NRXN1: variants seen among roughly 807,000 people sequenced by gnomAD.
The protein encoded by NRXN1 is neurexin-1.
Under a neutral mutation model 150.9 loss-of-function variants are expected in NRXN1, and 39 were observed. The ratio of observed to expected loss-of-function variants is 0.26; its 90% CI spans 0.20 to 0.34. NRXN1 has a LOEUF of 0.34. Ranked by LOEUF, NRXN1 falls within the 10% of genes least tolerant of loss-of-function variation. The pLI is 1.00. For missense variants in NRXN1, 1,815 were observed against 1,949.9 expected (o/e 0.93, Z 1.30); for synonymous variants, 924 against 757.0 (o/e 1.22, Z -3.62).
At chr2:50,480,201 A>G (rs2090356375) in intron 15 of NRXN1, among the ~76,000 whole-genome samples, 1 of 152,250 alleles carries the variant, frequency 6.6e-6, no homozygotes, top group Non-Finnish European at 1.5e-5. Flanking sequence ...GTTTTAACTG[A>G]CACATACTGA....
chr2:49,936,817 TACAC>T (rs58323578), intron 22 of NRXN1, among the ~76,000 whole-genome samples: 53 of 148,588 alleles, frequency 3.6e-4, no homozygotes, highest in African/African-American at 8.1e-4. Context: ...AAAACATATG[TACAC>T]ACACACACAC....
chr2:50,471,863 A>G (rs1353864865), intron 16 of NRXN1, among the ~76,000 whole-genome samples: 2 of 151,812 alleles, frequency 1.3e-5, no homozygotes, highest in African/African-American at 2.4e-5. Context: ...AAACTTGCAC[A>G]TGTACCCCCT....
In NRXN1 at chr2:50,047,041, A is replaced by G. The variant is rs181752913; in HGVS notation, c.4128+6230T>C. 1.2e-4 allele frequency among the ~76,000 whole-genome samples: 19 copies of G among 152,266 alleles called. No homozygotes were observed. In the East Asian group the frequency reaches 3.7e-3, roughly 29 times the overall value. ...TAGAATGTATATGGATGCATTAAGGAAGGGAACAATATGACTGTATTTGCA... is the reference window on the plus strand; with the variant it reads ...TAGAATGTATATGGATGCATTAAGGGAGGGAACAATATGACTGTATTTGCA... On this transcript the variant is annotated intron_variant, in intron 21 of 22. Coordinates refer to ENST00000401669, the MANE Select transcript of NRXN1 (RefSeq NM_001330078.2).
intron 9 of NRXN1, among the ~76,000 whole-genome samples, chr2:50,540,745 C>T (rs569626040): frequency 9.2e-5 from 14 of 152,194 alleles, no homozygotes; most frequent in African/African-American, 3.4e-4. Context: ...TCACTACAAC[C>T]TCTGCCACCT....
At position 49,921,486 on chromosome 2, in the gene NRXN1, C is replaced by G. The variant is rs1190018960; in HGVS notation, c.*458G>C. 1 of 156,778 alleles carries G rather than the reference C, an allele frequency of 6.4e-6. No homozygotes were observed. The highest frequency in any genetic ancestry group is 1.4e-5 in the Non-Finnish European group (1 of 70,822). The allele number at this position is 156,778 out of a possible 1,614,324, so 9.7% of individuals were successfully genotyped here. A position where few individuals can be genotyped will look rare whatever the true frequency, so the allele number is the denominator to read the frequency against. ...TTAAAGGTTTGCAGGTTGAGTCACT[C>G]AAAAGGACAGTCTTCTCTGGCAATT... On this transcript the variant is annotated 3_prime_UTR_variant, in exon 23 of 23. Transcript: ENST00000401669.
At position 50,346,735 on chromosome 2, in the gene NRXN1, G is replaced by T; in HGVS notation, c.3365-109765C>A. The T allele has an allele frequency of 1.2e-6, 2 of 1,613,954 alleles. No homozygotes were observed. The highest frequency in any genetic ancestry group is 1.7e-6 in the Non-Finnish European group (2 of 1,179,970). On this transcript the variant is annotated intron_variant, in intron 17 of 22. Coordinates refer to ENST00000401669, the MANE Select transcript of NRXN1 (RefSeq NM_001330078.2). The surrounding 1 kb of genome is among the most constrained non-coding windows in gnomAD (Gnocchi z 5.0). Reference sequence around the variant, plus strand: ...TGCCGGTGACCTGTAGATTGCAATAGGCACTGAATGATGCTTGCTGCTGCC... The same window carrying T: ...TGCCGGTGACCTGTAGATTGCAATATGCACTGAATGATGCTTGCTGCTGCC...
intron 18 of NRXN1, among the ~76,000 whole-genome samples, chr2:50,111,359 C>G (rs1357623094): frequency 1.3e-5 from 2 of 152,078 alleles, no homozygotes; most frequent in South Asian, 4.1e-4. Context: ...GAAAGTTACT[C>G]TCATGCGGCA....
At chr2:50,947,145 T>C (rs531441022) in intron 2 of NRXN1, among the ~76,000 whole-genome samples, 1 of 152,160 alleles carries the variant, frequency 6.6e-6, no homozygotes. Context: ...TCCAGTCATG[T>C]ATTTTGATAT....
chr2:50,855,423 G>A (rs1228041061), intron 5 of NRXN1, among the ~76,000 whole-genome samples: 1 of 151,850 alleles, frequency 6.6e-6, no homozygotes, highest in African/African-American at 2.4e-5. Flanking sequence ...CAGCTAACAA[G>A]GTCAATTACA....
At position 51,027,522 on chromosome 2, in the gene NRXN1, C is replaced by T. The variant is rs780954241; in HGVS notation, c.752G>A (p.Arg251His). 4 of 1,548,278 alleles carry T rather than the reference C, an allele frequency of 2.6e-6. No individual in the cohort carries two copies. Among genetic ancestry groups the T allele is most frequent in the East Asian group, 2.3e-5 (1 of 43,798 alleles). ...AVCDCSRTGF[R>H]GKDCSQEDNN... ...CTTACCTTGGCTGCAGTCCTTGCCGCGGAAGCCGGTTCGCGAGCAGTCGCA... is the reference window on the plus strand; with the variant it reads ...CTTACCTTGGCTGCAGTCCTTGCCGTGGAAGCCGGTTCGCGAGCAGTCGCA... The change falls in exon 2 of 23, where the codon CGC becomes CAC. Residue 251 changes from arginine (R) to histidine (H), a missense_variant. Arg to His is a conservative substitution (Grantham distance 29). This residue lies in a region of NRXN1 where 554 missense variants were observed against 478.8 expected (regional missense o/e 1.16). Transcript: ENST00000401669.
At chr2:50,381,330 A>G (rs1028213368) in intron 17 of NRXN1, among the ~76,000 whole-genome samples, 3 of 152,064 alleles carry the variant, frequency 2.0e-5, no homozygotes, top group African/African-American at 7.2e-5. Context: ...TTCATCTTAT[A>G]TTGTGAACAA....
At chr2:50,196,021 A>C (rs900356240) in intron 18 of NRXN1, among the ~76,000 whole-genome samples, 2 of 152,010 alleles carry the variant, frequency 1.3e-5, no homozygotes, top group African/African-American at 4.8e-5. Flanking sequence ...CAGGTTTGTT[A>C]CATATGTAAA....
At chr2:50,130,071 CA>C (rs2152746125) in intron 18 of NRXN1, among the ~76,000 whole-genome samples, 1 of 152,232 alleles carries the variant, frequency 6.6e-6, no homozygotes, top group South Asian at 2.1e-4. Context: ...TCCCGTTTTA[CA>C]GATAAGAAAA....
chr2:50,012,723 A>G (rs1685915510), intron 21 of NRXN1, among the ~76,000 whole-genome samples: 2 of 152,292 alleles, frequency 1.3e-5, no homozygotes, highest in South Asian at 4.1e-4. Context: ...GTTCTGTACC[A>G]TGGCTATGTA....
chr2:50,582,374 G>C (rs1672398929), intron 8 of NRXN1, among the ~76,000 whole-genome samples: 1 of 150,630 alleles, frequency 6.6e-6, no homozygotes, highest in Non-Finnish European at 1.5e-5. Flanking sequence ...CCAGCTACTT[G>C]GCAGGCTGAT....
intron 5 of NRXN1, among the ~76,000 whole-genome samples, chr2:50,821,616 T>C (rs1218706957): frequency 2.0e-5 from 3 of 152,154 alleles, no homozygotes; most frequent in South Asian, 2.1e-4. Flanking sequence ...TTGTGAAAGA[T>C]GAGAACAGCT....
intron 18 of NRXN1, among the ~76,000 whole-genome samples, chr2:50,146,189 T>C (rs1050598533): frequency 6.6e-6 from 1 of 151,644 alleles, no homozygotes; most frequent in African/African-American, 2.4e-5. Flanking sequence ...CAGTAGTTAC[T>C]ATGCATTTCC....
chr2:50,936,469 G>GA (rs1688560970), intron 2 of NRXN1, among the ~76,000 whole-genome samples: 1 of 152,030 alleles, frequency 6.6e-6, no homozygotes, highest in South Asian at 2.1e-4. Flanking sequence ...CAATAACTAA[G>GA]AAAAAAACTA....
At chr2:50,024,668 G>A (rs565649868) in intron 21 of NRXN1, among the ~76,000 whole-genome samples, 9 of 151,960 alleles carry the variant, frequency 5.9e-5, no homozygotes, top group African/African-American at 1.9e-4. Context: ...AGGCTGGAGT[G>A]CAATGGTCCG....
Sources: allele counts gnomAD v4.1 joint callset (sites outside exome capture counted in the v4.1 genomes callset), GRCh38; gene constraint gnomAD v4.1.1; regional missense constraint gnomAD v4.1.1; non-coding constraint Gnocchi (gnomAD v3.1); transcripts MANE v1.5; gene names NCBI Gene and HGNC (gene_info 2026-07-23, HGNC 2026-07-21).